The following GAS7 variants were observed in gnomAD, a reference collection of about 807,000 sequenced individuals.
GAS7 encodes the protein growth arrest-specific protein 7.
A neutral mutation model predicts 71.1 loss-of-function variants in GAS7; 28 were observed. That is an observed-to-expected ratio of 0.39 (90% CI 0.29 to 0.54). GAS7 has a LOEUF of 0.54. Ranked by LOEUF, GAS7 falls within the 20% of genes least tolerant of loss-of-function variation. The pLI, the probability that GAS7 is intolerant of heterozygous loss-of-function variation, is 0.62. For synonymous variants in GAS7, 258 were observed against 245.8 expected, an observed-to-expected ratio of 1.05 and a Z score of -0.46; for missense variants, 436 against 627.8, an observed-to-expected ratio of 0.69 and a Z score of 3.27.
At chr17:9,940,600 C>G (rs985053986) in intron 7 of GAS7, among the ~76,000 whole-genome samples, 1 of 152,176 alleles carries the variant, frequency 6.6e-6, no homozygotes, top group Non-Finnish European at 1.5e-5. Flanking sequence ...TCCCCTCTCC[C>G]TTCCAGCCCC....
At position 10,026,088 on chromosome 17, in the gene GAS7, G is replaced by A. The variant is rs1234431558; in HGVS notation, c.184-6191C>T. The A allele has an allele frequency of 2.4e-6, 2 of 842,106 alleles. No individual in the cohort carries two copies. The highest frequency in any genetic ancestry group is 2.9e-6 in the Non-Finnish European group (2 of 699,226). The allele number at this position is 842,106 out of a possible 1,614,324, so 52.2% of individuals were successfully genotyped here. A position where few individuals can be genotyped will look rare whatever the true frequency, so the allele number is the denominator to read the frequency against. ...CTTCAAGCTCAAGTTCAACCCGGAT[G>A]CCACCTCCACCTCCGGGACTCTCTC... On this transcript the variant is annotated intron_variant, in intron 1 of 13. Transcript: ENST00000432992. This position sits in a 1 kb window ranked among gnomAD's most constrained non-coding sequence, Gnocchi z 4.5.
intron 1 of GAS7, among the ~76,000 whole-genome samples, chr17:10,165,675 C>T (rs1195772060): frequency 1.3e-5 from 2 of 152,120 alleles, no homozygotes; most frequent in South Asian, 2.1e-4. Flanking sequence ...AGCAGAGGAC[C>T]CACTGCTTGC....
At position 10,198,382 on chromosome 17, in the gene GAS7, G is replaced by A; in HGVS notation, c.9C>T (p.Gly3=). MS[G]ARCRTLYPFS... ...AGGGGTACAGGGTCCGGCAGCGAGC[G>A]CCGGACATGGCCTTGGCGCCCGGGT... is the stretch of plus-strand genomic sequence containing the variant. The change falls in exon 1 of 14, where the codon GGC becomes GGT. Residue 3 remains glycine, a synonymous_variant. Transcript: ENST00000432992. The A allele has an allele frequency of 6.3e-7, 1 of 1,580,474 alleles. No homozygotes were observed. Among genetic ancestry groups the A allele is most frequent in the Non-Finnish European group, 8.5e-7 (1 of 1,171,800 alleles).
chr17:10,062,959 G>C (rs1408546494), intron 1 of GAS7, among the ~76,000 whole-genome samples: 1 of 152,232 alleles, frequency 6.6e-6, no homozygotes, highest in Non-Finnish European at 1.5e-5. Context: ...GGGGAAGGCA[G>C]GGATGTCCAG....
chr17:10,180,208 G>GT (rs1178716924), intron 1 of GAS7, among the ~76,000 whole-genome samples: 1 of 151,954 alleles, frequency 6.6e-6, no homozygotes, highest in Non-Finnish European at 1.5e-5. Context: ...AGGCATGGTA[G>GT]TGGGTGCCTG....
At chr17:10,059,092 G>C (rs12603691) in intron 1 of GAS7, among the ~76,000 whole-genome samples, 16,338 of 152,298 alleles carry the variant, frequency 0.11, 1,054 homozygotes, top group East Asian at 0.17. Flanking sequence ...GCATGCATGA[G>C]TAAGTCAGAA....
At chr17:10,065,559 C>T (rs1043867796) in intron 1 of GAS7, among the ~76,000 whole-genome samples, 3 of 152,216 alleles carry the variant, frequency 2.0e-5, no homozygotes, top group African/African-American at 7.2e-5. Context: ...CTTCTATCTA[C>T]AGTCAAATCT....
intron 1 of GAS7, among the ~76,000 whole-genome samples, chr17:10,122,365 G>A (rs1157136807): frequency 6.6e-6 from 1 of 152,090 alleles, no homozygotes; most frequent in Non-Finnish European, 1.5e-5. Flanking sequence ...CACTGAGATC[G>A]AGACCCAGAC....
intron 2 of GAS7, among the ~76,000 whole-genome samples, chr17:9,996,823 A>G (rs544761622): frequency 6.6e-6 from 1 of 151,988 alleles, no homozygotes; most frequent in Non-Finnish European, 1.5e-5. Context: ...TATTTTTATT[A>G]GAGACAGAGT....
At chr17:10,044,909 C>T (rs1217449210) in intron 1 of GAS7, among the ~76,000 whole-genome samples, 1 of 152,054 alleles carries the variant, frequency 6.6e-6, no homozygotes, top group East Asian at 1.9e-4. Context: ...AAAAAATTAG[C>T]TGGGCATGGT....
chr17:9,968,319 T>A (rs2069808056), intron 4 of GAS7, among the ~76,000 whole-genome samples: 1 of 152,066 alleles, frequency 6.6e-6, no homozygotes, highest in Non-Finnish European at 1.5e-5. Flanking sequence ...TGCTCAGGAG[T>A]GGTCCTCAGA....
intron 2 of GAS7, among the ~76,000 whole-genome samples, chr17:10,007,565 G>A (rs1464061299): frequency 1.4e-5 from 2 of 146,054 alleles, no homozygotes; most frequent in African/African-American, 2.6e-5. Context: ...GGCAGAGGTT[G>A]CAGTGAGCTG....
At position 9,925,326 on chromosome 17, in the gene GAS7, AG is replaced by A. The variant is rs2067959025; in HGVS notation, c.1138+149del. 6 of 759,780 alleles carry A rather than the reference AG, an allele frequency of 7.9e-6. No individual in the cohort carries two copies. The East Asian group carries it at 1.5e-4, about 19-fold the overall frequency. The allele number at this position is 759,780 out of a possible 1,614,324, so 47.1% of individuals were successfully genotyped here. Reference sequence around the variant, plus strand: ...GGGTGTGGGTCAGAGAGAAGGGAAGAGGGGGTACCTCCTGGCAAACAAGGGA... The same window carrying A: ...GGGTGTGGGTCAGAGAGAAGGGAAGAGGGGTACCTCCTGGCAAACAAGGGA... On this transcript the variant is annotated intron_variant, in intron 11 of 13. Coordinates refer to ENST00000432992, the MANE Select transcript of GAS7 (RefSeq NM_201433.2).
intron 1 of GAS7, among the ~76,000 whole-genome samples, chr17:10,066,426 C>T (rs2073281494): frequency 1.3e-5 from 2 of 152,126 alleles, no homozygotes; most frequent in South Asian, 4.1e-4. Flanking sequence ...GTGATCCGCC[C>T]GCCTCGGCCT....
chr17:9,927,083 A>G (rs1007385781), intron 9 of GAS7: 1 of 290,252 alleles, frequency 3.4e-6, no homozygotes, highest in African/African-American at 2.1e-5. Flanking sequence ...AATTTTTAGA[A>G]TTTTTTACTA....
At chr17:10,014,523 C>G (rs192188395) in intron 2 of GAS7, among the ~76,000 whole-genome samples, 418 of 152,278 alleles carry the variant, frequency 2.7e-3, no homozygotes, top group Non-Finnish European at 5.1e-3. Context: ...CTCTTTCTTC[C>G]TTAACCAATG....
chr17:10,027,193 C>T (rs2072485795), intron 1 of GAS7: 3 of 152,130 alleles, frequency 2.0e-5, no homozygotes, highest in Admixed American at 2.0e-4. Context: ...CCTCTTTTCA[C>T]AGCTTTAATC....
At chr17:10,188,714 C>G (rs79337226) in intron 1 of GAS7, among the ~76,000 whole-genome samples, 1 of 152,196 alleles carries the variant, frequency 6.6e-6, no homozygotes, top group Non-Finnish European at 1.5e-5. Flanking sequence ...TCTTGGCTCA[C>G]TGCAGCTTTG....
At position 10,167,590 on chromosome 17, in the gene GAS7, ATCT is replaced by A. The variant is rs1279032374; in HGVS notation, c.183+30615_183+30617del. Among the ~76,000 whole-genome samples, 4 of 152,278 alleles carry A rather than the reference ATCT, an allele frequency of 2.6e-5. No individual in the cohort carries two copies. In the East Asian group the frequency reaches 7.7e-4, roughly 29 times the overall value. ...CATTGGCCCTATAACCAAGCATGTC[ATCT>A]TCTTCTGCCACCTTTGAGAAGAGTC... On this transcript the variant is annotated intron_variant, in intron 1 of 13. Coordinates refer to ENST00000432992, the MANE Select transcript of GAS7 (RefSeq NM_201433.2).
Sources: gnomAD v4.1 joint callset for allele counts (sites outside exome capture counted in the v4.1 genomes callset) on GRCh38, gnomAD v4.1.1 for gene constraint, Gnocchi (gnomAD v3.1) non-coding constraint, MANE v1.5 for transcripts, NCBI Gene and HGNC (gene_info 2026-07-23, HGNC 2026-07-21) for gene names.